The following FEZ1 variants were observed in gnomAD, a reference collection of about 807,000 sequenced individuals.
FEZ1 encodes fasciculation and elongation protein zeta 1.
In FEZ1, 20 loss-of-function variants were observed where a neutral mutation model predicts 49.3. That is an observed-to-expected ratio of 0.41 (90% CI 0.29 to 0.59). The LOEUF (loss-of-function observed/expected upper bound fraction) is 0.59, where lower values mean the gene tolerates loss of function less well. FEZ1 is among the 20% of genes least tolerant of loss of function. The pLI is 0.36. For synonymous variants in FEZ1, 170 were observed against 180.9 expected, an observed-to-expected ratio of 0.94 and a Z score of 0.48; for missense variants, 413 against 476.0, an observed-to-expected ratio of 0.87 and a Z score of 1.23.
intron 3 of FEZ1, among the ~76,000 whole-genome samples, chr11:125,475,431 T>C (rs1007903301): frequency 1.3e-5 from 2 of 152,174 alleles, no homozygotes; most frequent in Non-Finnish European, 2.9e-5. Context: ...ATTTTAAAGA[T>C]TGTCCATAAC....
intron 8 of FEZ1, among the ~76,000 whole-genome samples, chr11:125,448,979 A>G (rs1302490605): frequency 2.6e-5 from 4 of 152,174 alleles, no homozygotes; most frequent in Admixed American, 2.6e-4. Context: ...ACATGGTGAT[A>G]GACGAGAACA....
chr11:125,456,305 G>C (rs1403378468), intron 5 of FEZ1, 199 bp from the exon 6 acceptor site: 1 of 466,932 alleles, frequency 2.1e-6, no homozygotes, highest in African/African-American at 2.0e-5. Flanking sequence ...CTGCAGAAGA[G>C]AACACCCCTC....
chr11:125,447,697 C>T (rs1956910713), intron 9 of FEZ1, among the ~76,000 whole-genome samples: 1 of 152,006 alleles, frequency 6.6e-6, no homozygotes, highest in South Asian at 2.1e-4. Context: ...TGGCAGGCGC[C>T]TGTAATCCCA....
chr11:125,452,285 A>T, intron 8 of FEZ1, 49 bp downstream of exon 8: 1 of 1,262,882 alleles, frequency 7.9e-7, no homozygotes, highest in Non-Finnish European at 1.2e-6. Flanking sequence ...TACAGGCAGG[A>T]AGGGAGAAAA....
chr11:125,489,489 C>T lies in FEZ1; in HGVS notation c.289G>A (p.Glu97Lys). Residue 97 changes from glutamate to lysine, a missense_variant, in exon 2 of 10, where the codon GAG (glutamate) becomes AAG (lysine). Glu to Lys is a moderately conservative substitution (Grantham distance 56, BLOSUM62 1). Transcript: ENST00000278919. The surrounding 1 kb of genome is among the most constrained non-coding windows in gnomAD (Gnocchi z 4.2). Reference protein sequence around the residue: ...VKNQLQIQEEEETLQDEEVWD... With the variant: ...VKNQLQIQEEKETLQDEEVWD... ...TACTCCTCGTCCTGAAGGGTCTCCT[C>T]CTCCTCTTGGATCTGTAACTGGTTC... is the stretch of plus-strand genomic sequence containing the variant. The T allele has an allele frequency of 1.2e-6, 2 of 1,613,742 alleles. No individual in the cohort carries two copies. Among genetic ancestry groups the T allele is most frequent in the Non-Finnish European group, 1.7e-6 (2 of 1,179,848 alleles).
At chr11:125,456,630 A>G (rs1034194019) in intron 5 of FEZ1, among the ~76,000 whole-genome samples, 3 of 152,198 alleles carry the variant, frequency 2.0e-5, no homozygotes, top group African/African-American at 7.2e-5. Context: ...TGTATTCAAA[A>G]ATATGTGAAA....
intron 2 of FEZ1, among the ~76,000 whole-genome samples, chr11:125,486,497 C>G (rs1437905716): frequency 6.6e-6 from 1 of 152,212 alleles, no homozygotes; most frequent in Non-Finnish European, 1.5e-5. Context: ...CATGCCCTGA[C>G]AGATCAGAGA....
At chr11:125,480,682 G>A (rs1957270955) in intron 3 of FEZ1, among the ~76,000 whole-genome samples, 1 of 152,256 alleles carries the variant, frequency 6.6e-6, no homozygotes, top group South Asian at 2.1e-4. Flanking sequence ...AGCCATGACA[G>A]TTTCCTCCTC....
chr11:125,460,686 G>A lies in FEZ1; in HGVS notation c.499-20C>T, dbSNP rs1426119005. ...AATTACCTGAAGAAGGTACACGAGAGAGTGCTAACTCTGTTCTCTGCTAGA... is the reference window on the plus strand; with the variant it reads ...AATTACCTGAAGAAGGTACACGAGAAAGTGCTAACTCTGTTCTCTGCTAGA... On this transcript the variant is annotated intron_variant, in intron 4 of 9. Transcript: ENST00000278919. The A allele has an allele frequency of 1.2e-6, 2 of 1,610,140 alleles. No homozygotes were observed. Among genetic ancestry groups the A allele is most frequent in the Admixed American group, 3.3e-5 (2 of 60,002 alleles).
At chr11:125,454,652 T>G (rs1956990399) in intron 6 of FEZ1, among the ~76,000 whole-genome samples, 1 of 152,058 alleles carries the variant, frequency 6.6e-6, no homozygotes, top group Non-Finnish European at 1.5e-5. Context: ...TCCATAGGTC[T>G]GTGATAGAGC....
intron 8 of FEZ1, among the ~76,000 whole-genome samples, chr11:125,449,544 T>C (rs1156987436): frequency 6.6e-6 from 1 of 151,340 alleles, no homozygotes; most frequent in African/African-American, 2.4e-5. Context: ...TATAATTAAA[T>C]GCTAATGTTC....
intron 5 of FEZ1, among the ~76,000 whole-genome samples, chr11:125,458,952 G>A (rs993711694): frequency 2.0e-5 from 3 of 152,150 alleles, no homozygotes; most frequent in Non-Finnish European, 4.4e-5. Context: ...TGTAATCCCA[G>A]CTACTCGGGA....
At chr11:125,473,055 A>T (rs1326085249) in intron 3 of FEZ1, among the ~76,000 whole-genome samples, 1 of 152,188 alleles carries the variant, frequency 6.6e-6, no homozygotes, top group Non-Finnish European at 1.5e-5. Flanking sequence ...TTGGAAAGAA[A>T]AAAAAAGGAC....
At chr11:125,461,626 A>C (rs1035307508) in intron 4 of FEZ1, among the ~76,000 whole-genome samples, 14 of 152,244 alleles carry the variant, frequency 9.2e-5, no homozygotes, top group African/African-American at 3.4e-4. Flanking sequence ...AACAAAAAAA[A>C]GAGTGACTTA....
chr11:125,471,463 C>T (rs553702784), intron 3 of FEZ1, among the ~76,000 whole-genome samples: 1 of 143,904 alleles, frequency 6.9e-6, no homozygotes, highest in Non-Finnish European at 1.5e-5. Flanking sequence ...CACACACACA[C>T]TTTGCAAACA....
chr11:125,467,130 C>T (rs1265354890), intron 3 of FEZ1, among the ~76,000 whole-genome samples: 3 of 151,662 alleles, frequency 2.0e-5, no homozygotes, highest in African/African-American at 7.3e-5. Flanking sequence ...AACTCCTTTG[C>T]TCGAGTGATC....
chr11:125,449,441 A>AAAAAAGAAG (rs796507357), intron 8 of FEZ1, among the ~76,000 whole-genome samples: 26 of 128,226 alleles, frequency 2.0e-4, no homozygotes, highest in African/African-American at 6.1e-4. Flanking sequence ...AAAAAAAAAA[A>AAAAAAGAAG]AAGAAGAAGA....
intron 5 of FEZ1, among the ~76,000 whole-genome samples, chr11:125,456,572 C>T (rs1008438935): frequency 2.6e-5 from 4 of 152,110 alleles, no homozygotes; most frequent in East Asian, 1.9e-4. Context: ...ACAAAAAAGC[C>T]GACCATCTGA....
intron 8 of FEZ1, among the ~76,000 whole-genome samples, chr11:125,450,532 T>G (rs1180419717): frequency 6.6e-6 from 1 of 152,232 alleles, no homozygotes; most frequent in Non-Finnish European, 1.5e-5. Flanking sequence ...GAGCTGGTCT[T>G]TGGCCTATGT....
Sources: gnomAD v4.1 joint callset for allele counts (sites outside exome capture counted in the v4.1 genomes callset) on GRCh38, gnomAD v4.1.1 for gene constraint, Gnocchi (gnomAD v3.1) non-coding constraint, MANE v1.5 for transcripts, NCBI Gene and HGNC (gene_info 2026-07-23, HGNC 2026-07-21) for gene names.